The following BPTF variants were observed in gnomAD, a reference collection of about 807,000 sequenced individuals.
BPTF encodes bromodomain PHD finger transcription factor, also known as nucleosome-remodeling factor subunit BPTF.
Under a neutral mutation model 292.5 loss-of-function variants are expected in BPTF, and 18 were observed. The observed-to-expected ratio is 0.06, with a 90% CI of 0.04 to 0.09. The LOEUF (loss-of-function observed/expected upper bound fraction) is 0.09, where lower values mean the gene tolerates loss of function less well. Among genes scored for constraint, BPTF ranks in the 10% least tolerant of loss-of-function variants. The pLI is 1.00. For missense variants in BPTF, 2,726 were observed against 3,498.7 expected, an observed-to-expected ratio of 0.78 and a Z score of 5.57; for synonymous variants, 1,225 against 1,251.9, an observed-to-expected ratio of 0.98 and a Z score of 0.45.
chr17:67,912,268 A>C lies in BPTF; in HGVS notation c.4384A>C (p.Ile1462Leu). ...ATCATTGACTGTTAAAGAATCTGCT[A>C]TAAGGCCATTCATTAATGGTGATGT... is the stretch of plus-strand genomic sequence containing the variant. ...IKSLTVKESAIRPFINGDVIM... is the reference protein window; with the variant it reads ...IKSLTVKESALRPFINGDVIM... Residue 1462 changes from isoleucine (I) to leucine (L), a missense_variant, in exon 11 of 28, where the codon ATA becomes CTA. By Grantham distance (5) the Ile-to-Leu change is conservative. Around this residue, in one of 22 missense-constraint regions of BPTF, gnomAD observed 713 missense variants for 714.9 expected, o/e 1.00. Coordinates refer to ENST00000306378, the MANE Select transcript of BPTF (RefSeq NM_182641.4). 8 of 1,613,586 alleles carry C rather than the reference A, an allele frequency of 5.0e-6. No individual in the cohort carries two copies. Among genetic ancestry groups the C allele is most frequent in the Non-Finnish European group, 6.8e-6 (8 of 1,179,590 alleles).
chr17:67,857,120 C>CT (rs1253414658), intron 2 of BPTF, among the ~76,000 whole-genome samples: 1 of 143,506 alleles, frequency 7.0e-6, no homozygotes, highest in African/African-American at 2.5e-5. Context: ...GTCTCCCCTA[C>CT]TTTATCCTTA....
intron 25 of BPTF, chr17:67,965,161 GAAAC>G (rs1298679960): frequency 2.0e-5 from 3 of 151,850 alleles, no homozygotes; most frequent in Admixed American, 1.3e-4. Flanking sequence ...CCAAAAGGAT[GAAAC>G]CCCATCTCTC....
intron 18 of BPTF, 109 bp from the exon 19 acceptor site, chr17:67,940,330 G>A: frequency 9.8e-7 from 1 of 1,025,580 alleles, no homozygotes; most frequent in Non-Finnish European, 1.4e-6. Flanking sequence ...ATATCCCAGT[G>A]TTTTTTTGAA....
At chr17:67,923,637 G>T (rs1267668160) in intron 14 of BPTF, among the ~76,000 whole-genome samples, 1 of 151,022 alleles carries the variant, frequency 6.6e-6, no homozygotes, top group African/African-American at 2.4e-5. Flanking sequence ...GTGCCACCAT[G>T]CCCGGCTGAT....
In BPTF at chr17:67,920,110, A is replaced by G; in HGVS notation, c.5524A>G (p.Ile1842Val). ...ATCTGAATATTGTATCAGGAAAATC[A>G]TTTGTCCCATTGGAGTTCCAGAAAC... ...IRSEYCIRKI[I>V]CPIGVPETPK... Residue 1842 changes from isoleucine (I) to valine (V), a missense_variant, in exon 13 of 28, where the codon ATT (isoleucine) becomes GTT (valine). Ile to Val is a conservative substitution (Grantham distance 29). Coordinates refer to ENST00000306378, the MANE Select transcript of BPTF (RefSeq NM_182641.4). The G allele has an allele frequency of 1.9e-6, 3 of 1,612,600 alleles. No individual in the cohort carries two copies. The highest frequency in any genetic ancestry group is 2.5e-6 in the Non-Finnish European group (3 of 1,178,784).
intron 9 of BPTF, 94 bp from the exon 10 acceptor site, chr17:67,909,488 C>A: frequency 1.3e-6 from 1 of 747,892 alleles, no homozygotes; most frequent in South Asian, 3.9e-5. Flanking sequence ...ACATAACTTG[C>A]TGGAAATTAC....
At chr17:67,889,382 C>T (rs1366084510) in intron 4 of BPTF, among the ~76,000 whole-genome samples, 19 of 152,180 alleles carry the variant, frequency 1.2e-4, no homozygotes, top group Non-Finnish European at 1.8e-4. Flanking sequence ...TTTTTAAAAG[C>T]ACTGTGTCAT....
intron 19 of BPTF, among the ~76,000 whole-genome samples, chr17:67,943,326 G>A (rs1344879702): frequency 6.6e-6 from 1 of 152,176 alleles, no homozygotes; most frequent in Non-Finnish European, 1.5e-5. Context: ...CTTAGTACAT[G>A]GACTTTGCGC....
chr17:67,839,962 T>TA (rs1025069081), intron 1 of BPTF, among the ~76,000 whole-genome samples: 2 of 152,068 alleles, frequency 1.3e-5, no homozygotes, highest in Non-Finnish European at 2.9e-5. Context: ...GTTTTTTTTT[T>TA]AAAAGACACC....
chr17:67,828,034 C>T (rs1402756386), intron 1 of BPTF, among the ~76,000 whole-genome samples: 1 of 150,716 alleles, frequency 6.6e-6, no homozygotes, highest in East Asian at 1.9e-4. Context: ...CAGACTCAAG[C>T]GATTCTCCTG....
chr17:67,948,400 G>A (rs2065970499), intron 23 of BPTF, 94 bp downstream of exon 23: 2 of 1,152,912 alleles, frequency 1.7e-6, no homozygotes, highest in Admixed American at 2.8e-5. Flanking sequence ...TAAAATTTCA[G>A]TATGTTTTCT....
rs2056024234 is a variant in BPTF at position 67,826,321 on chromosome 17, C to T, written c.597C>T (p.Thr199=). The change falls in exon 1 of 28, where the codon ACC becomes ACT. Residue 199 remains threonine, a synonymous_variant. Coordinates refer to ENST00000306378, the MANE Select transcript of BPTF (RefSeq NM_182641.4). ...AAAGCAGCTTCAGGAGCCATAGTACCTACAGCAGCACTCCAGGTACCCACC... is the reference window on the plus strand; with the variant it reads ...AAAGCAGCTTCAGGAGCCATAGTACTTACAGCAGCACTCCAGGTACCCACC... ...CTESSFRSHS[T]YSSTPGRRKP... is the part of the protein sequence containing the mutation. 1 of 1,611,120 alleles carries T rather than the reference C, an allele frequency of 6.2e-7. No individual in the cohort carries two copies. The highest frequency in any genetic ancestry group is 8.5e-7 in the Non-Finnish European group (1 of 1,179,108).
chr17:67,845,108 C>G (rs779293346), intron 1 of BPTF, among the ~76,000 whole-genome samples: 1 of 152,036 alleles, frequency 6.6e-6, no homozygotes, highest in Non-Finnish European at 1.5e-5. Context: ...TATAAGTGCA[C>G]GTCTCCTCCT....
chr17:67,921,893 A>T (rs1315180485), intron 13 of BPTF, among the ~76,000 whole-genome samples: 2 of 151,732 alleles, frequency 1.3e-5, no homozygotes, highest in African/African-American at 4.8e-5. Flanking sequence ...TTAGCGGGAC[A>T]TGGTATTACA....
At chr17:67,849,798 G>A (rs1366845891) in intron 1 of BPTF, among the ~76,000 whole-genome samples, 24 of 152,180 alleles carry the variant, frequency 1.6e-4, no homozygotes, top group Non-Finnish European at 2.8e-4. Context: ...AAAATTAGCC[G>A]GGCATGGTGG....
At chr17:67,940,713 A>T in intron 19 of BPTF, 57 bp downstream of exon 19, 1 of 1,533,046 alleles carries the variant, frequency 6.5e-7, no homozygotes. Context: ...TTCTTGCGGT[A>T]AGTTTAAAAA....
At chr17:67,960,428 C>G (rs2067366877) in intron 24 of BPTF, 1 of 151,910 alleles carries the variant, frequency 6.6e-6, no homozygotes, top group Non-Finnish European at 1.5e-5. Context: ...CAGAAAAATA[C>G]AAAAAGTGTT....
intron 19 of BPTF, among the ~76,000 whole-genome samples, chr17:67,943,825 A>G (rs2065586313): frequency 6.6e-6 from 1 of 152,202 alleles, no homozygotes; most frequent in Non-Finnish European, 1.5e-5. Flanking sequence ...ATTATTTAAA[A>G]TCAGAATTTT....
chr17:67,869,290 CAAAA>C (rs771285162), intron 3 of BPTF, among the ~76,000 whole-genome samples: 2 of 151,526 alleles, frequency 1.3e-5, no homozygotes, highest in Non-Finnish European at 2.9e-5. Context: ...ATAGAAAAAA[CAAAA>C]AAATATTTTC....
Sources: allele counts gnomAD v4.1 joint callset (sites outside exome capture counted in the v4.1 genomes callset), GRCh38; gene constraint gnomAD v4.1.1; regional missense constraint gnomAD v4.1.1; transcripts MANE v1.5; gene names NCBI Gene and HGNC (gene_info 2026-07-23, HGNC 2026-07-21).